The following INVS variants were observed in gnomAD, a reference collection of about 807,000 sequenced individuals.
INVS encodes inversion of embryo turning homolog.
In INVS, 86 loss-of-function variants were observed where a neutral mutation model predicts 108.8. That is an observed-to-expected ratio of 0.79 (90% CI 0.66 to 0.95). INVS has a LOEUF of 0.95. INVS is among the 40% of genes least tolerant of loss of function. The pLI is 0.00. For missense variants in INVS, 1,169 were observed against 1,297.4 expected (o/e 0.90, Z 1.52); for synonymous variants, 455 against 473.5 (o/e 0.96, Z 0.51).
At chr9:100,269,872 A>G (rs868530876) in intron 11 of INVS, among the ~76,000 whole-genome samples, 4 of 152,352 alleles carry the variant, frequency 2.6e-5, no homozygotes, top group South Asian at 4.1e-4. Context: ...CAAGCCATAC[A>G]GCAGTGAATG....
At chr9:100,210,526 A>T (rs1241631719) in intron 3 of INVS, among the ~76,000 whole-genome samples, 1 of 152,336 alleles carries the variant, frequency 6.6e-6, no homozygotes, top group South Asian at 2.1e-4. Context: ...CATCTCTTTC[A>T]TGAAGTCATT....
intron 3 of INVS, among the ~76,000 whole-genome samples, chr9:100,183,586 A>G (rs1829959867): frequency 6.6e-6 from 1 of 152,170 alleles, no homozygotes; most frequent in African/African-American, 2.4e-5. Flanking sequence ...TGAGCTCAGC[A>G]TTTCAAGACT....
chr9:100,122,568 GT>G (rs1827755046), intron 2 of INVS, among the ~76,000 whole-genome samples: 1 of 128,446 alleles, frequency 7.8e-6, no homozygotes, highest in Admixed American at 8.0e-5. Flanking sequence ...TGTATTTTAA[GT>G]GAGTTTCTTT....
chr9:100,143,126 C>T (rs1006232873), intron 3 of INVS, among the ~76,000 whole-genome samples: 8 of 151,818 alleles, frequency 5.3e-5, no homozygotes, highest in Non-Finnish European at 8.8e-5. Flanking sequence ...CAAGTGAAAG[C>T]GAAGAGAGGC....
intron 11 of INVS, among the ~76,000 whole-genome samples, chr9:100,272,459 T>C (rs1344858387): frequency 1.3e-5 from 2 of 152,230 alleles, no homozygotes; most frequent in African/African-American, 2.4e-5. Context: ...GTTCTGTTTT[T>C]TACTTCATAA....
At chr9:100,252,829 A>G in intron 9 of INVS, 78 bp from the exon 10 acceptor site, 1 of 962,174 alleles carries the variant, frequency 1.0e-6, no homozygotes, top group Non-Finnish European at 1.6e-6. Flanking sequence ...TTTAAGGAAC[A>G]ATTGTTTTTT....
chr9:100,186,204 C>T (rs900478019), intron 3 of INVS, among the ~76,000 whole-genome samples: 22 of 151,990 alleles, frequency 1.4e-4, no homozygotes, highest in African/African-American at 5.3e-4. Flanking sequence ...GGCTGGAGTG[C>T]AGTAGCGCAA....
Position 100,284,565 on chromosome 9 carries a change from C to T in INVS, c.2030C>T (p.Ser677Phe). Reference protein sequence around the residue: ...GGALQKEQHVSSDLQGTNSRR... With the variant: ...GGALQKEQHVFSDLQGTNSRR... ...GCCCTCCAGAAGGAGCAGCATGTTT[C>T]CTCAGATTTGCAGGGAACAAACTCC... Residue 677 changes from serine to phenylalanine, a missense_variant, in exon 13 of 17, where the codon TCC becomes TTC. Around this residue, in one of 3 missense-constraint regions of INVS, gnomAD observed 533 missense variants for 536.0 expected, o/e 0.99. Transcript: ENST00000262457. 6.2e-7 allele frequency: 1 copy of T among 1,613,798 alleles called. No homozygotes were observed. The highest frequency in any genetic ancestry group is 8.5e-7 in the Non-Finnish European group (1 of 1,179,804).
At chr9:100,260,675 C>T (rs1252629941) in intron 10 of INVS, among the ~76,000 whole-genome samples, 2 of 152,004 alleles carry the variant, frequency 1.3e-5, no homozygotes, top group Non-Finnish European at 2.9e-5. Flanking sequence ...TCTCATTTTA[C>T]AGATGAGGAA....
intron 3 of INVS, among the ~76,000 whole-genome samples, chr9:100,178,775 G>A (rs1829793534): frequency 6.6e-6 from 1 of 152,094 alleles, no homozygotes; most frequent in Non-Finnish European, 1.5e-5. Context: ...TTCAAATTCA[G>A]GAAATACTGA....
intron 3 of INVS, among the ~76,000 whole-genome samples, chr9:100,141,126 G>C (rs942855106): frequency 6.6e-6 from 1 of 152,182 alleles, no homozygotes; most frequent in African/African-American, 2.4e-5. Flanking sequence ...CAGTGAATAG[G>C]AGTATGATTA....
chr9:100,124,989 C>T (rs1443826145), intron 2 of INVS, among the ~76,000 whole-genome samples: 1 of 152,210 alleles, frequency 6.6e-6, no homozygotes, highest in Non-Finnish European at 1.5e-5. Context: ...TGCCCCACCT[C>T]TGGGCTGCTC....
chr9:100,273,082 T>A lies in INVS; in HGVS notation c.1784+6T>A. 1 of 1,612,448 alleles carries A rather than the reference T, an allele frequency of 6.2e-7. No homozygotes were observed. The highest frequency in any genetic ancestry group is 8.5e-7 in the Non-Finnish European group (1 of 1,178,756). On this transcript the variant is annotated splice_donor_region_variant and intron_variant, in intron 12 of 16. Transcript: ENST00000262457. ...AGAAAAGATGCTGCTGCCAAGTAAGTATGAGCTACGCAGATTGCGTTTTCG... is the reference window on the plus strand; with the variant it reads ...AGAAAAGATGCTGCTGCCAAGTAAGAATGAGCTACGCAGATTGCGTTTTCG...
chr9:100,156,106 A>G (rs907941669), intron 3 of INVS, among the ~76,000 whole-genome samples: 3 of 152,128 alleles, frequency 2.0e-5, no homozygotes, highest in Non-Finnish European at 2.9e-5. Context: ...GTCATGCTGG[A>G]TGGCAAGATA....
intron 4 of INVS, among the ~76,000 whole-genome samples, chr9:100,226,469 G>A: frequency 6.6e-6 from 1 of 152,050 alleles, no homozygotes; most frequent in East Asian, 1.9e-4. Context: ...CTGAAGCTCA[G>A]GAAGATTAAA....
chr9:100,183,095 A>T (rs542026249), intron 3 of INVS, among the ~76,000 whole-genome samples: 16 of 152,234 alleles, frequency 1.1e-4, no homozygotes, highest in South Asian at 6.2e-4. Flanking sequence ...GGATACAGGG[A>T]GGGGAACATC....
chr9:100,132,012 C>A, intron 3 of INVS: 1 of 370,094 alleles, frequency 2.7e-6, no homozygotes, highest in Non-Finnish European at 3.7e-6. Flanking sequence ...ACAAACAATC[C>A]ACGCCCCAGT....
At chr9:100,224,664 T>G (rs1368349389) in intron 3 of INVS, among the ~76,000 whole-genome samples, 1 of 152,108 alleles carries the variant, frequency 6.6e-6, no homozygotes, top group Non-Finnish European at 1.5e-5. Flanking sequence ...TCACCCAGGT[T>G]AGAGTGCAGT....
chr9:100,297,941 T>G lies in INVS; in HGVS notation c.3022T>G (p.Ser1008Ala). 1 of 1,614,152 alleles carries G rather than the reference T, an allele frequency of 6.2e-7. No homozygotes were observed. The highest frequency in any genetic ancestry group is 1.1e-5 in the South Asian group (1 of 91,080). Reference protein sequence around the residue: ...HSVLKQIYGCSHEGKIHHPTR... With the variant: ...HSVLKQIYGCAHEGKIHHPTR... The stretch of plus-strand genomic sequence containing the variant: ...CAGTTGTTGGTTCATTTCAGGTTGT[T>G]CTCACGAAGGGAAAATACATCATCC... Residue 1008 changes from serine (S) to alanine (A), a missense_variant, in exon 16 of 17, where the codon TCT (serine) becomes GCT (alanine). This residue lies in a region of INVS where 533 missense variants were observed against 536.0 expected (regional missense o/e 0.99). Coordinates refer to ENST00000262457, the MANE Select transcript of INVS (RefSeq NM_014425.5).
Sources: gnomAD v4.1 joint callset for allele counts (sites outside exome capture counted in the v4.1 genomes callset) on GRCh38, gnomAD v4.1.1 for gene constraint, gnomAD v4.1.1 regional missense constraint, MANE v1.5 for transcripts, NCBI Gene and HGNC (gene_info 2026-07-23, HGNC 2026-07-21) for gene names.